The following GPC6 variants were observed in gnomAD, a reference collection of about 807,000 sequenced individuals.
GPC6 encodes the protein glypican 6, also known as glypican-6.
GPC6 carries 14 observed loss-of-function variants against 55.2 expected under a neutral mutation model. That is an observed-to-expected ratio of 0.25 (90% CI 0.17 to 0.40). The LOEUF (loss-of-function observed/expected upper bound fraction) is 0.40, where lower values mean the gene tolerates loss of function less well. Among genes scored for constraint, GPC6 ranks in the 10% least tolerant of loss-of-function variants. The pLI is 1.00. For synonymous variants in GPC6, 278 were observed against 259.6 expected, an observed-to-expected ratio of 1.07 and a Z score of -0.68; for missense variants, 641 against 708.5, an observed-to-expected ratio of 0.90 and a Z score of 1.08.
intron 1 of GPC6, among the ~76,000 whole-genome samples, chr13:93,245,012 TGAA>T (rs1443500668): frequency 6.6e-6 from 1 of 152,232 alleles, no homozygotes; most frequent in Non-Finnish European, 1.5e-5. Context: ...TGAGGCTGTC[TGAA>T]TTAATGAGGT....
chr13:94,220,431 T>C (rs984279891), intron 4 of GPC6, among the ~76,000 whole-genome samples: 1 of 152,074 alleles, frequency 6.6e-6, no homozygotes, highest in African/African-American at 2.4e-5. Flanking sequence ...AGGATGGAAA[T>C]TACATTTGCA....
rs145367670 is a variant in GPC6, at chr13:93,269,216, G to A, written c.160+41600G>A. On this transcript the variant is annotated intron_variant, in intron 1 of 8. Coordinates refer to ENST00000377047, the MANE Select transcript of GPC6 (RefSeq NM_005708.5). ...TGATTATGTACTCGATGAAAAGTTTGGAGGCATGTCACAAGTTTGGAAATA... is the reference window on the plus strand; with the variant it reads ...TGATTATGTACTCGATGAAAAGTTTAGAGGCATGTCACAAGTTTGGAAATA... Among the ~76,000 whole-genome samples, 702 of 152,172 alleles carry A rather than the reference G, an allele frequency of 4.6e-3. 8 individuals are homozygous for A. The highest frequency in any genetic ancestry group is 0.016 in the African/African-American group (666 of 41,508).
chr13:94,342,590 G>A (rs1312347067), intron 6 of GPC6, among the ~76,000 whole-genome samples: 3 of 152,184 alleles, frequency 2.0e-5, no homozygotes, highest in Non-Finnish European at 4.4e-5. Context: ...AAGTGTGAGA[G>A]AATACATTTC....
chr13:94,263,204 G>T (rs940402847), intron 4 of GPC6, among the ~76,000 whole-genome samples: 5 of 152,208 alleles, frequency 3.3e-5, no homozygotes, highest in African/African-American at 1.2e-4. Context: ...GAGTTGGGAA[G>T]CCCAGGATCA....
chr13:93,925,672 C>T (rs775154782), intron 3 of GPC6, among the ~76,000 whole-genome samples: 33 of 152,264 alleles, frequency 2.2e-4, no homozygotes, highest in African/African-American at 5.3e-4. Flanking sequence ...CATATTATTA[C>T]GCTCGTGGTT....
At chr13:93,532,004 A>G (rs1881887385) in intron 1 of GPC6, among the ~76,000 whole-genome samples, 1 of 152,090 alleles carries the variant, frequency 6.6e-6, no homozygotes, top group African/African-American at 2.4e-5. Flanking sequence ...ACTGTGAACT[A>G]CCTCCAAGTA....
At chr13:94,281,438 T>G (rs551926402) in intron 4 of GPC6, among the ~76,000 whole-genome samples, 3 of 152,176 alleles carry the variant, frequency 2.0e-5, no homozygotes, top group Non-Finnish European at 4.4e-5. Flanking sequence ...TTTTTTAAAA[T>G]GAGTTTCTCT....
intron 7 of GPC6, 105 bp downstream of exon 7, chr13:94,382,655 G>T: frequency 6.8e-7 from 1 of 1,469,150 alleles, no homozygotes; most frequent in South Asian, 1.2e-5. Flanking sequence ...AAGCAACAGA[G>T]GGTGGAGGGA....
chr13:93,536,072 C>A (rs1882050783), intron 1 of GPC6, among the ~76,000 whole-genome samples: 1 of 152,176 alleles, frequency 6.6e-6, no homozygotes, highest in South Asian at 2.1e-4. Flanking sequence ...CAGAGTTTCC[C>A]CTGGGTGGTG....
intron 6 of GPC6, among the ~76,000 whole-genome samples, chr13:94,382,184 A>T (rs1880186074): frequency 6.6e-6 from 1 of 152,194 alleles, no homozygotes; most frequent in Admixed American, 6.5e-5. Context: ...AAGATGGAAA[A>T]CAAAAAGCCA....
At chr13:93,393,142 A>G (rs1875706130) in intron 1 of GPC6, among the ~76,000 whole-genome samples, 1 of 149,424 alleles carries the variant, frequency 6.7e-6, no homozygotes, top group Admixed American at 6.7e-5. Context: ...AGAGAGAGAG[A>G]GAGAGAGAGA....
chr13:94,338,976 A>G (rs1203372076), intron 6 of GPC6, among the ~76,000 whole-genome samples: 1 of 152,122 alleles, frequency 6.6e-6, no homozygotes, highest in African/African-American at 2.4e-5. Flanking sequence ...ATTGTGCTCT[A>G]GCCATTGACC....
intron 4 of GPC6, among the ~76,000 whole-genome samples, chr13:94,120,617 T>C (rs1312182305): frequency 2.6e-5 from 4 of 152,130 alleles, no homozygotes; most frequent in African/African-American, 9.6e-5. Context: ...CATTCTGTTT[T>C]GCTTTGTGAA....
intron 6 of GPC6, among the ~76,000 whole-genome samples, chr13:94,323,019 T>C (rs1201554796): frequency 6.6e-6 from 1 of 152,032 alleles, no homozygotes; most frequent in East Asian, 1.9e-4. Flanking sequence ...AGGGAGCAAG[T>C]GAAGGTAGAG....
intron 6 of GPC6, among the ~76,000 whole-genome samples, chr13:94,370,156 A>C (rs1400793808): frequency 6.6e-6 from 1 of 152,198 alleles, no homozygotes; most frequent in Non-Finnish European, 1.5e-5. Context: ...GGAGGCTAAA[A>C]CTTGGGAGGC....
chr13:93,832,744 C>T (rs959686628), intron 3 of GPC6, among the ~76,000 whole-genome samples: 1 of 152,098 alleles, frequency 6.6e-6, no homozygotes, highest in South Asian at 2.1e-4. Flanking sequence ...GTCTAACACG[C>T]TATTCCTTCT....
intron 1 of GPC6, among the ~76,000 whole-genome samples, chr13:93,250,692 G>A (rs1454287211): frequency 6.6e-6 from 1 of 152,136 alleles, no homozygotes. Flanking sequence ...GTGCCCCAAA[G>A]TTGACCCTAA....
At chr13:94,316,283 C>T (rs928630061) in intron 6 of GPC6, among the ~76,000 whole-genome samples, 1 of 152,130 alleles carries the variant, frequency 6.6e-6, no homozygotes, top group African/African-American at 2.4e-5. Flanking sequence ...TTTTCAGCAT[C>T]GGATGCCAAC....
At chr13:94,130,891 T>G (rs1042845219) in intron 4 of GPC6, among the ~76,000 whole-genome samples, 1 of 152,260 alleles carries the variant, frequency 6.6e-6, no homozygotes, top group South Asian at 2.1e-4. Context: ...GACTGTTAAG[T>G]ACTTGAGAAA....
Sources: allele counts gnomAD v4.1 joint callset (sites outside exome capture counted in the v4.1 genomes callset), GRCh38; gene constraint gnomAD v4.1.1; transcripts MANE v1.5; gene names NCBI Gene and HGNC (gene_info 2026-07-23, HGNC 2026-07-21).